TEX9: variants seen among roughly 807,000 people sequenced by gnomAD.
TEX9 encodes testis-expressed protein 9.
Under a neutral mutation model 59.6 loss-of-function variants are expected in TEX9, and 74 were observed. That is an observed-to-expected ratio of 1.24 (90% CI 1.03 to 1.51). The LOEUF is 1.51. Among genes scored for constraint, TEX9 ranks in the 40% most tolerant of loss-of-function variants. The pLI is 0.00. For missense variants in TEX9, 522 were observed against 447.8 expected (o/e 1.17, Z -1.49); for synonymous variants, 186 against 152.2 (o/e 1.22, Z -1.64).
Position 56,313,440 on chromosome 15 carries a change from C to T in TEX9, c.-106-60001C>T, listed in dbSNP as rs1170373839. Among the ~76,000 whole-genome samples, 4 of 145,758 alleles carry T rather than the reference C, an allele frequency of 2.7e-5. No individual in the cohort carries two copies. In the Admixed American group the frequency reaches 2.8e-4, roughly 10 times the overall value. ...TTTTGTCTTTGGTTCTGTTTATATG[C>T]TGGATTACATTTATTGATTTGCGTA... On this transcript the variant is annotated intron_variant, in intron 1 of 5. Transcript: ENST00000560827.
At chr15:56,402,828 A>G (rs752062233) in intron 9 of TEX9, among the ~76,000 whole-genome samples, 3 of 152,260 alleles carry the variant, frequency 2.0e-5, no homozygotes, top group Non-Finnish European at 4.4e-5. Context: ...GGCTGGTTCA[A>G]CATACACAAA....
intron 1 of TEX9, among the ~76,000 whole-genome samples, chr15:56,333,852 G>T (rs1407968186): frequency 1.3e-5 from 2 of 152,066 alleles, no homozygotes; most frequent in Admixed American, 6.6e-5. Context: ...ACAAAAATCA[G>T]TAGCATTTTT....
intron 9 of TEX9, chr15:56,395,765 T>C (rs2048440417): frequency 6.6e-6 from 1 of 152,230 alleles, no homozygotes; most frequent in Non-Finnish European, 1.5e-5. Flanking sequence ...CATTTGTATA[T>C]TTTCTTTGGA....
At chr15:56,260,482 A>G (rs1175601796) in intron 1 of TEX9, among the ~76,000 whole-genome samples, 1 of 152,038 alleles carries the variant, frequency 6.6e-6, no homozygotes, top group African/African-American at 2.4e-5. Flanking sequence ...GTGATCAGTG[A>G]TTTTTACTTT....
rs148920499 is a variant in TEX9, at chr15:56,273,208, C to T, written c.-107+28930C>T. 2.9e-3 allele frequency among the ~76,000 whole-genome samples: 440 copies of T among 152,118 alleles called. 3 individuals are homozygous for T. Among genetic ancestry groups the T allele is most frequent in the African/African-American group, 0.01 (425 of 41,502 alleles). On this transcript the variant is annotated intron_variant, in intron 1 of 5. Coordinates refer to the TEX9 transcript ENST00000560827. ...GACCTTGTGATCTGCCTGCCTTGGCCTCCAAAAGTACTGGGATTGCAGTAC... is the reference window on the plus strand; with the variant it reads ...GACCTTGTGATCTGCCTGCCTTGGCTTCCAAAAGTACTGGGATTGCAGTAC...
intron 10 of TEX9, among the ~76,000 whole-genome samples, chr15:56,417,568 T>G (rs2049756709): frequency 8.8e-6 from 1 of 113,608 alleles, no homozygotes; most frequent in African/African-American, 3.3e-5. Flanking sequence ...TTGGTATGAT[T>G]TCGTTCTTTT....
At chr15:56,395,550 C>G (rs778432848) in intron 9 of TEX9, 2 of 152,150 alleles carry the variant, frequency 1.3e-5, no homozygotes, top group Non-Finnish European at 2.9e-5. Context: ...GAATTGCTGA[C>G]TGTTTTCCAA....
chr15:56,318,168 A>G (rs993956920), intron 1 of TEX9, among the ~76,000 whole-genome samples: 3 of 152,046 alleles, frequency 2.0e-5, no homozygotes, highest in Admixed American at 6.6e-5. Context: ...TGTTAGGTGC[A>G]TATATATTTG....
chr15:56,373,001 A>G (rs2047258595), intron 2 of TEX9, among the ~76,000 whole-genome samples: 1 of 152,138 alleles, frequency 6.6e-6, no homozygotes, highest in Admixed American at 6.5e-5. Flanking sequence ...CCCCAGTTAT[A>G]GCAATACCCC....
chr15:56,262,255 G>A (rs1457407207), intron 1 of TEX9, among the ~76,000 whole-genome samples: 1 of 152,240 alleles, frequency 6.6e-6, no homozygotes, highest in African/African-American at 2.4e-5. Flanking sequence ...AGGCAAATGA[G>A]GAATTGGAGC....
At chr15:56,265,998 T>C (rs1208968772) in intron 1 of TEX9, among the ~76,000 whole-genome samples, 1 of 152,244 alleles carries the variant, frequency 6.6e-6, no homozygotes, top group Non-Finnish European at 1.5e-5. Flanking sequence ...ACCATAATTT[T>C]GGACTTATCT....
At chr15:56,260,611 G>T (rs77612692) in intron 1 of TEX9, among the ~76,000 whole-genome samples, 2 of 151,918 alleles carry the variant, frequency 1.3e-5, no homozygotes, top group East Asian at 3.9e-4. Context: ...GTTATGATAT[G>T]TTATCCTTTT....
At chr15:56,394,559 T>A in intron 8 of TEX9, 102 bp from the exon 9 acceptor site, 1 of 873,456 alleles carries the variant, frequency 1.1e-6, no homozygotes, top group East Asian at 2.7e-5. Flanking sequence ...TCATGAAACG[T>A]GTATAAATAT....
chr15:56,300,054 C>T (rs940908768), intron 1 of TEX9, among the ~76,000 whole-genome samples: 1 of 152,032 alleles, frequency 6.6e-6, no homozygotes, highest in African/African-American at 2.4e-5. Flanking sequence ...AGGTACAGCA[C>T]CAAGCGGGTT....
the TEX9 span, among the ~76,000 whole-genome samples, chr15:56,457,068 T>A: frequency 6.6e-6 from 1 of 152,168 alleles, no homozygotes; most frequent in African/African-American, 2.4e-5. Context: ...CCAAACAAGA[T>A]CCACATATTG....
intron 10 of TEX9, 40 bp downstream of exon 10, chr15:56,412,476 G>T: frequency 6.4e-7 from 1 of 1,555,342 alleles, no homozygotes; most frequent in Non-Finnish European, 8.7e-7. Context: ...GATCCCTTTT[G>T]GTAACTACTT....
At chr15:56,430,208 T>C (rs2050541869) in intron 12 of TEX9, 54 bp downstream of exon 12, 1 of 152,174 alleles carries the variant, frequency 6.6e-6, no homozygotes, top group Admixed American at 6.6e-5. Context: ...ATGAAACTGT[T>C]ATTACTTTTT....
chr15:56,287,062 G>A (rs940670330), intron 1 of TEX9, among the ~76,000 whole-genome samples: 1 of 152,102 alleles, frequency 6.6e-6, no homozygotes, highest in Non-Finnish European at 1.5e-5. Context: ...AGGACATGGA[G>A]GATGCTCTAT....
chr15:56,247,739 C>T (rs1254143097), intron 1 of TEX9, among the ~76,000 whole-genome samples: 1 of 152,162 alleles, frequency 6.6e-6, no homozygotes, highest in Non-Finnish European at 1.5e-5. Flanking sequence ...TGATTAAGTG[C>T]TGAAAGTATA....
Sources: gnomAD v4.1 joint callset for allele counts (sites outside exome capture counted in the v4.1 genomes callset) on GRCh38, gnomAD v4.1.1 for gene constraint, MANE v1.5 for transcripts, NCBI Gene and HGNC (gene_info 2026-07-23, HGNC 2026-07-21) for gene names.